The following PUM2 variants were observed in gnomAD, a reference collection of about 807,000 sequenced individuals.
PUM2 encodes pumilio homolog 2.
A neutral mutation model predicts 124.5 loss-of-function variants in PUM2; 57 were observed. The ratio of observed to expected loss-of-function variants is 0.46; its 90% CI spans 0.37 to 0.57. The LOEUF is 0.57. Among genes scored for constraint, PUM2 ranks in the 20% least tolerant of loss-of-function variants. The probability of loss-of-function intolerance (pLI) is 0.00; values close to 1 mark genes in which losing one functional copy is unlikely to be tolerated. For synonymous variants in PUM2, 460 were observed against 446.1 expected (o/e 1.03, Z -0.39); for missense variants, 1,065 against 1,290.6 (o/e 0.83, Z 2.68).
intron 1 of PUM2, among the ~76,000 whole-genome samples, chr2:20,332,322 T>TGTGTGTGTG (rs3222066): frequency 1.3e-5 from 2 of 149,816 alleles, no homozygotes; most frequent in Admixed American, 6.7e-5. Flanking sequence ...TGTGTGTGTG[T>TGTGTGTGTG]TTAAACGAAT....
chr2:20,276,951 C>A (rs1670404175), intron 13 of PUM2, among the ~76,000 whole-genome samples: 1 of 152,116 alleles, frequency 6.6e-6, no homozygotes. Context: ...CCCTAAGCAT[C>A]TATTAGGCTG....
upstream of PUM2, chr2:20,352,046 C>G (rs1689392401): frequency 1.3e-5 from 2 of 152,242 alleles, no homozygotes; most frequent in Non-Finnish European, 2.9e-5. Flanking sequence ...TCCCCTACCC[C>G]CCACTCTTGT....
intron 9 of PUM2, among the ~76,000 whole-genome samples, chr2:20,293,600 C>T (rs1243017704): frequency 6.6e-6 from 1 of 152,076 alleles, no homozygotes; most frequent in Non-Finnish European, 1.5e-5. Flanking sequence ...ATCCCAGCTA[C>T]TTGGAAGACT....
intron 13 of PUM2, among the ~76,000 whole-genome samples, chr2:20,270,437 TG>T (rs1668758644): frequency 6.6e-6 from 1 of 152,174 alleles, no homozygotes; most frequent in African/African-American, 2.4e-5. Flanking sequence ...CTGTGAATAC[TG>T]GAATAAATTC....
chr2:20,324,113 G>A (rs1326651359), intron 2 of PUM2, among the ~76,000 whole-genome samples: 1 of 152,042 alleles, frequency 6.6e-6, no homozygotes, highest in African/African-American at 2.4e-5. Context: ...TTCCATTCCA[G>A]TTATCCCTAA....
At chr2:20,344,534 T>G (rs183953217) in intron 1 of PUM2, among the ~76,000 whole-genome samples, 1 of 152,218 alleles carries the variant, frequency 6.6e-6, no homozygotes, top group East Asian at 1.9e-4. Flanking sequence ...GGTGGGCTTC[T>G]ACCTATCTCT....
intron 14 of PUM2, 22 bp downstream of exon 14, chr2:20,263,171 G>C (rs1314183309): frequency 6.4e-7 from 1 of 1,555,334 alleles, no homozygotes; most frequent in African/African-American, 1.4e-5. Context: ...AAAATGAAGT[G>C]AGAAATATCA....
chr2:20,273,577 C>T (rs1669518387), intron 13 of PUM2, among the ~76,000 whole-genome samples: 1 of 152,176 alleles, frequency 6.6e-6, no homozygotes, highest in African/African-American at 2.4e-5. Context: ...GAAAACCAAA[C>T]ATCACAAATT....
intron 5 of PUM2, among the ~76,000 whole-genome samples, chr2:20,310,483 C>T (rs1679356944): frequency 6.6e-6 from 1 of 151,982 alleles, no homozygotes; most frequent in Admixed American, 6.6e-5. Context: ...CTTAATTTTA[C>T]ATGCATTTCC....
intron 10 of PUM2, among the ~76,000 whole-genome samples, chr2:20,289,047 C>T (rs1257466646): frequency 6.6e-6 from 1 of 152,050 alleles, no homozygotes. Context: ...AATCCCAGCA[C>T]TTTGGGAGGC....
chr2:20,320,383 T>C lies in PUM2; in HGVS notation c.52-1738A>G, dbSNP rs556322593. Among the ~76,000 whole-genome samples, 68 of 152,260 alleles carry C rather than the reference T, an allele frequency of 4.5e-4. 1 individual carries two copies. In the South Asian group the frequency reaches 0.014, roughly 32 times the overall value. The stretch of plus-strand genomic sequence containing the variant: ...GAAGATAACTAAAAAGAATAACCTG[T>C]TTAATAACTTAAACAGCTAAAAAGG... On this transcript the variant is annotated intron_variant, in intron 2 of 20. Transcript: ENST00000361078.
chr2:20,270,545 CAAATAA>C (rs149953725), intron 13 of PUM2, among the ~76,000 whole-genome samples: 1 of 129,412 alleles, frequency 7.7e-6, no homozygotes, highest in Non-Finnish European at 1.8e-5. Context: ...AGGTAAAAAA[CAAATAA>C]ACACACACAC....
chr2:20,254,126 G>T, intron 19 of PUM2, 112 bp from the exon 20 acceptor site: 1 of 897,846 alleles, frequency 1.1e-6, no homozygotes, highest in South Asian at 1.8e-5. Flanking sequence ...AAGTCAGGAT[G>T]GGATTCTCTT....
chr2:20,260,296 C>T (rs1342878533), intron 15 of PUM2, 41 bp downstream of exon 15: 2 of 1,563,218 alleles, frequency 1.3e-6, no homozygotes, highest in South Asian at 1.2e-5. Flanking sequence ...AAGTATACAA[C>T]AGCTGGATGG....
intron 2 of PUM2, among the ~76,000 whole-genome samples, chr2:20,323,305 A>G (rs1242303888): frequency 1.3e-5 from 2 of 152,026 alleles, no homozygotes; most frequent in African/African-American, 4.8e-5. Flanking sequence ...AAAATTAGCC[A>G]GGCGTAGTGG....
intron 10 of PUM2, among the ~76,000 whole-genome samples, chr2:20,287,258 G>C (rs922219409): frequency 3.3e-5 from 5 of 152,074 alleles, no homozygotes; most frequent in African/African-American, 1.2e-4. Flanking sequence ...ACCACAAATA[G>C]CTAAATGAAA....
At chr2:20,321,972 T>C (rs1487991583) in intron 2 of PUM2, among the ~76,000 whole-genome samples, 1 of 151,768 alleles carries the variant, frequency 6.6e-6, no homozygotes, top group African/African-American at 2.4e-5. Context: ...CACCCAGGCA[T>C]GCTGCATCAA....
At chr2:20,317,324 T>G (rs1013428120) in intron 3 of PUM2, among the ~76,000 whole-genome samples, 18 of 152,192 alleles carry the variant, frequency 1.2e-4, no homozygotes, top group South Asian at 4.1e-4. Context: ...CTCTCCCCAC[T>G]ACTTATGAAG....
intron 10 of PUM2, among the ~76,000 whole-genome samples, chr2:20,284,718 T>C (rs1305749197): frequency 1.3e-5 from 2 of 152,198 alleles, no homozygotes; most frequent in Non-Finnish European, 2.9e-5. Flanking sequence ...TATGCAGAAG[T>C]GAGAGTTACA....
Sources: allele counts gnomAD v4.1 joint callset (sites outside exome capture counted in the v4.1 genomes callset), GRCh38; gene constraint gnomAD v4.1.1; transcripts MANE v1.5; gene names NCBI Gene and HGNC (gene_info 2026-07-23, HGNC 2026-07-21).